HHAT: variants seen among roughly 807,000 people sequenced by gnomAD.
HHAT encodes hedgehog acyltransferase.
In HHAT, 47 loss-of-function variants were observed where a neutral mutation model predicts 70.8. The ratio of observed to expected loss-of-function variants is 0.66; its 90% CI spans 0.53 to 0.85. The LOEUF is 0.85. Among genes scored for constraint, HHAT ranks in the 40% least tolerant of loss-of-function variants. The pLI, the probability that HHAT is intolerant of heterozygous loss-of-function variation, is 0.00. For synonymous variants in HHAT, 228 were observed against 247.6 expected, an observed-to-expected ratio of 0.92 and a Z score of 0.74; for missense variants, 609 against 604.8, an observed-to-expected ratio of 1.01 and a Z score of -0.07.
At chr1:210,384,777 A>C (rs1475011535) in intron 3 of HHAT, among the ~76,000 whole-genome samples, 4 of 152,346 alleles carry the variant, frequency 2.6e-5, no homozygotes, top group South Asian at 4.1e-4. Flanking sequence ...TCCTGATTTC[A>C]GGCTTTCATG....
chr1:210,608,197 C>G (rs1418881739), intron 10 of HHAT, among the ~76,000 whole-genome samples: 2 of 152,096 alleles, frequency 1.3e-5, no homozygotes, highest in South Asian at 2.1e-4. Context: ...AGGGCAGTTA[C>G]CAAGAACAAA....
intron 11 of HHAT, among the ~76,000 whole-genome samples, chr1:210,636,219 C>G (rs1398965726): frequency 6.6e-6 from 1 of 152,174 alleles, no homozygotes; most frequent in East Asian, 1.9e-4. Flanking sequence ...GTATCTTCCT[C>G]CAGACAAAAT....
chr1:210,526,424 C>A (rs771060231), intron 9 of HHAT, among the ~76,000 whole-genome samples: 10 of 145,184 alleles, frequency 6.9e-5, no homozygotes, highest in Non-Finnish European at 1.1e-4. Context: ...ATTGGAGATA[C>A]CTAGCTCAAC....
intron 3 of HHAT, among the ~76,000 whole-genome samples, chr1:210,384,899 T>C (rs2090923686): frequency 6.6e-6 from 1 of 152,250 alleles, no homozygotes; most frequent in African/African-American, 2.4e-5. Context: ...GACCTATTCA[T>C]TGGCCCAGCT....
In HHAT at chr1:210,464,488, G is replaced by A. The variant is rs1168138849; in HGVS notation, c.857-17G>A. 4.3e-6 allele frequency: 7 copies of A among 1,614,128 alleles called. No homozygotes were observed. Among genetic ancestry groups the A allele is most frequent in the Non-Finnish European group, 5.1e-6 (6 of 1,179,964 alleles). On this transcript the variant is annotated splice_polypyrimidine_tract_variant and intron_variant, in intron 7 of 11. Transcript: ENST00000261458. ...TGATTCTCTTCCATGTGTCTGACTG[G>A]TCTGTTTGCCTTTCAGGAGGACTGG...
At chr1:210,663,454 G>T (rs1574089535) in intron 11 of HHAT, among the ~76,000 whole-genome samples, 1 of 152,338 alleles carries the variant, frequency 6.6e-6, no homozygotes, top group Non-Finnish European at 1.5e-5. Context: ...ACAGCCTTGA[G>T]TTCTAATGTC....
intron 8 of HHAT, among the ~76,000 whole-genome samples, chr1:210,510,533 G>A (rs943798863): frequency 8.5e-5 from 13 of 152,198 alleles, no homozygotes; most frequent in African/African-American, 3.1e-4. Flanking sequence ...GCTGGGAGAA[G>A]CAGAAATGAG....
intron 8 of HHAT, among the ~76,000 whole-genome samples, chr1:210,490,649 C>G (rs113729699): frequency 7.2e-5 from 11 of 152,280 alleles, no homozygotes; most frequent in African/African-American, 2.2e-4. Flanking sequence ...TTAATCAAAA[C>G]TAATGTTTTC....
chr1:210,472,777 T>C (rs1317298504), intron 8 of HHAT, among the ~76,000 whole-genome samples: 1 of 152,198 alleles, frequency 6.6e-6, no homozygotes, highest in Non-Finnish European at 1.5e-5. Flanking sequence ...CATCAATGAA[T>C]GCACATGAGT....
chr1:210,515,093 A>G (rs1306386040), intron 9 of HHAT, among the ~76,000 whole-genome samples: 1 of 152,218 alleles, frequency 6.6e-6, no homozygotes, highest in Non-Finnish European at 1.5e-5. Flanking sequence ...TGAAGCAAGC[A>G]GAACTGGGAG....
intron 7 of HHAT, among the ~76,000 whole-genome samples, chr1:210,424,782 G>T (rs2148298766): frequency 6.6e-6 from 1 of 152,174 alleles, no homozygotes; most frequent in East Asian, 1.9e-4. Flanking sequence ...CCATGTTTTT[G>T]CTATTGTGAA....
rs1572939449 is a variant in HHAT, at chr1:210,511,466, G to A, written c.1008-1687G>A. On this transcript the variant is annotated intron_variant, in intron 8 of 11. Transcript: ENST00000261458. The stretch of plus-strand genomic sequence containing the variant: ...TAAAGGTGTCCCACAGGGAATCTTA[G>A]TGTCAGTAATCACCTGTCATATGTC... Among the ~76,000 whole-genome samples the A allele has an allele frequency of 3.9e-5, 6 of 152,266 alleles. No individual in the cohort carries two copies. In the South Asian group the frequency reaches 1.2e-3, roughly 32 times the overall value.
At chr1:210,431,468 G>GA (rs1303553941) in intron 7 of HHAT, among the ~76,000 whole-genome samples, 2 of 151,794 alleles carry the variant, frequency 1.3e-5, no homozygotes, top group African/African-American at 4.9e-5. Context: ...GTATATATTT[G>GA]AAAAAGATGC....
At chr1:210,330,070 G>C (rs1227570655) in intron 1 of HHAT, among the ~76,000 whole-genome samples, 1 of 152,168 alleles carries the variant, frequency 6.6e-6, no homozygotes, top group Non-Finnish European at 1.5e-5. Flanking sequence ...CAGAGCTAAG[G>C]ACCTATTTCA....
intron 8 of HHAT, among the ~76,000 whole-genome samples, chr1:210,474,967 C>T (rs1316510902): frequency 2.0e-5 from 3 of 152,060 alleles, no homozygotes; most frequent in Non-Finnish European, 4.4e-5. Context: ...CATCCTGCCT[C>T]AGTCCCCCAA....
At chr1:210,370,163 C>A in intron 3 of HHAT, among the ~76,000 whole-genome samples, 1 of 122,378 alleles carries the variant, frequency 8.2e-6, no homozygotes, top group East Asian at 2.3e-4. Flanking sequence ...TCTTCAATGA[C>A]TTTTTTTTTT....
chr1:210,351,023 G>C (rs1320115302), intron 2 of HHAT, among the ~76,000 whole-genome samples: 1 of 152,174 alleles, frequency 6.6e-6, no homozygotes, highest in Non-Finnish European at 1.5e-5. Context: ...AGATATAAAA[G>C]GAGATTTATT....
chr1:210,514,813 C>G (rs772316885), intron 9 of HHAT, among the ~76,000 whole-genome samples: 1 of 152,222 alleles, frequency 6.6e-6, no homozygotes, highest in Non-Finnish European at 1.5e-5. Context: ...AATGCTGTCA[C>G]TTGCAAAAAC....
chr1:210,486,435 A>G (rs533515636), intron 8 of HHAT, among the ~76,000 whole-genome samples: 1 of 152,302 alleles, frequency 6.6e-6, no homozygotes, highest in Admixed American at 6.5e-5. Flanking sequence ...TGAAAGTGCT[A>G]TTCACATTAT....
Sources: allele counts gnomAD v4.1 joint callset (sites outside exome capture counted in the v4.1 genomes callset), GRCh38; gene constraint gnomAD v4.1.1; transcripts MANE v1.5; gene names NCBI Gene and HGNC (gene_info 2026-07-23, HGNC 2026-07-21).